The following WDR49 variants were observed in gnomAD, a reference collection of about 807,000 sequenced individuals.
WDR49 encodes the protein cilia- and flagella-associated protein 337.
In WDR49, 107 loss-of-function variants were observed where a neutral mutation model predicts 119.5. The ratio of observed to expected loss-of-function variants is 0.90; its 90% CI spans 0.77 to 1.05. The LOEUF is 1.05. Among genes scored for constraint, WDR49 ranks in the 50% least tolerant of loss-of-function variants. The pLI, the probability that WDR49 is intolerant of heterozygous loss-of-function variation, is 0.00. For synonymous variants in WDR49, 425 were observed against 418.8 expected (o/e 1.01, Z -0.18); for missense variants, 1,240 against 1,220.5 (o/e 1.02, Z -0.24).
At chr3:167,549,066 C>T (rs903886887) in intron 10 of WDR49, among the ~76,000 whole-genome samples, 19 of 152,006 alleles carry the variant, frequency 1.2e-4, no homozygotes, top group Non-Finnish European at 2.1e-4. Flanking sequence ...TGTATATGTG[C>T]CACATTTTCT....
intron 5 of WDR49, among the ~76,000 whole-genome samples, chr3:167,610,775 C>A (rs1239693789): frequency 6.6e-6 from 1 of 152,176 alleles, no homozygotes; most frequent in East Asian, 1.9e-4. Context: ...CCAGCACAGT[C>A]ATAGTAGTAG....
intron 18 of WDR49, 122 bp downstream of exon 18, chr3:167,500,031 A>G (rs1751497703): frequency 1.8e-6 from 2 of 1,141,128 alleles, no homozygotes; most frequent in Non-Finnish European, 2.4e-6. Context: ...GTCAAACCAC[A>G]CTTTGTTTCA....
intron 10 of WDR49, among the ~76,000 whole-genome samples, chr3:167,548,313 C>T (rs1712332483): frequency 6.6e-6 from 1 of 151,992 alleles, no homozygotes; most frequent in South Asian, 2.1e-4. Flanking sequence ...GGCACTTGTA[C>T]AGTTTGATTT....
At chr3:167,603,444 A>G (rs1215768107) in intron 6 of WDR49, among the ~76,000 whole-genome samples, 1 of 152,130 alleles carries the variant, frequency 6.6e-6, no homozygotes, top group African/African-American at 2.4e-5. Flanking sequence ...ATATTCACGA[A>G]TTCATATTCA....
chr3:167,505,439 G>T, intron 16 of WDR49, 23 bp from the exon 17 acceptor site: 1 of 1,501,250 alleles, frequency 6.7e-7, no homozygotes, highest in South Asian at 1.4e-5. Flanking sequence ...ATTTCATGAT[G>T]AAATACATTA....
chr3:167,579,952 C>T (rs185156718), intron 7 of WDR49, among the ~76,000 whole-genome samples: 3 of 152,158 alleles, frequency 2.0e-5, no homozygotes, highest in African/African-American at 7.2e-5. Flanking sequence ...TACACATTGA[C>T]AATAACTCCA....
At chr3:167,590,515 C>A (rs1364908214) in intron 7 of WDR49, among the ~76,000 whole-genome samples, 2 of 152,016 alleles carry the variant, frequency 1.3e-5, no homozygotes, top group Non-Finnish European at 2.9e-5. Flanking sequence ...AATTCAGCAG[C>A]AAAGCCCTTG....
At chr3:167,515,664 A>C (rs1213886619) in intron 16 of WDR49, among the ~76,000 whole-genome samples, 1 of 152,220 alleles carries the variant, frequency 6.6e-6, no homozygotes, top group African/African-American at 2.4e-5. Flanking sequence ...AAAGAAATAA[A>C]GCGTATTCAA....
At chr3:167,621,347 G>C in intron 4 of WDR49, 120 bp downstream of exon 4, 1 of 1,014,836 alleles carries the variant, frequency 9.9e-7, no homozygotes, top group Non-Finnish European at 1.4e-6. Flanking sequence ...TGTCCAATGT[G>C]CATGTAATCC....
chr3:167,513,024 A>C (rs1052904572), intron 16 of WDR49, among the ~76,000 whole-genome samples: 6 of 152,260 alleles, frequency 3.9e-5, no homozygotes, highest in African/African-American at 1.4e-4. Context: ...GTTGGAAAAC[A>C]TACTTCAGGA....
At chr3:167,616,036 A>G (rs1399834086) in intron 5 of WDR49, among the ~76,000 whole-genome samples, 2 of 152,206 alleles carry the variant, frequency 1.3e-5, no homozygotes, top group African/African-American at 4.8e-5. Context: ...GTCGGATGTT[A>G]GAAGTTAAGT....
intron 16 of WDR49, among the ~76,000 whole-genome samples, chr3:167,519,402 G>A (rs1752342229): frequency 6.6e-6 from 1 of 152,132 alleles, no homozygotes; most frequent in African/African-American, 2.4e-5. Context: ...GCCCATCAAT[G>A]ATAGACTGGA....
chr3:167,614,285 G>A (rs573451547), intron 5 of WDR49, among the ~76,000 whole-genome samples: 1 of 152,186 alleles, frequency 6.6e-6, no homozygotes, highest in African/African-American at 2.4e-5. Context: ...TGTTAGTAGA[G>A]ACATGGTTTC....
chr3:167,626,721 C>T lies in WDR49; in HGVS notation c.606+131G>A, dbSNP rs529083425. 4.6e-6 allele frequency: 3 copies of T among 651,980 alleles called. No individual in the cohort carries two copies. In the South Asian group the frequency reaches 2.5e-4, roughly 53 times the overall value. 40.4% of individuals were successfully genotyped at this position (651,980 alleles called of 1,614,324 possible). A position where few individuals can be genotyped will look rare whatever the true frequency, so the allele number is the denominator to read the frequency against. ...GCACCCAAGAAAACAGCTGGCACTA[C>T]CTGTTCTCCCTCCAGGTCAGGAGAA... On this transcript the variant is annotated intron_variant, in intron 3 of 18. Transcript: ENST00000682715.
intron 2 of WDR49, among the ~76,000 whole-genome samples, chr3:167,637,910 A>T (rs1440251474): frequency 6.6e-6 from 1 of 151,506 alleles, no homozygotes; most frequent in East Asian, 1.9e-4. Context: ...AGTGTTTTCT[A>T]GGTATAGAGT....
chr3:167,618,919 T>C (rs1265342688), intron 5 of WDR49, among the ~76,000 whole-genome samples: 1 of 152,168 alleles, frequency 6.6e-6, no homozygotes, highest in Non-Finnish European at 1.5e-5. Context: ...GTATGGTTGA[T>C]TTTTTGGGAC....
chr3:167,604,233 A>G, intron 6 of WDR49, 68 bp downstream of exon 6: 2 of 1,558,080 alleles, frequency 1.3e-6, no homozygotes, highest in Non-Finnish European at 1.7e-6. Context: ...CAAAGGCTCC[A>G]TGCATACAAA....
rs141984110 is a variant in WDR49, at chr3:167,523,532, T to C, written c.2605-1048A>G. On this transcript the variant is annotated intron_variant, in intron 15 of 18. Transcript: ENST00000682715. ...CACATGCATTAGGTATTTATCCTAA[T>C]GCTCTACCTCCCCTTTCCCCCACCC... is the stretch of plus-strand genomic sequence containing the variant. Among the ~76,000 whole-genome samples, 487 of 152,226 alleles carry C rather than the reference T, an allele frequency of 3.2e-3. 3 individuals are homozygous for C. The highest frequency in any genetic ancestry group is 0.011 in the African/African-American group (463 of 41,556).
intron 2 of WDR49, among the ~76,000 whole-genome samples, chr3:167,635,623 G>T (rs1717578365): frequency 6.6e-6 from 1 of 151,662 alleles, no homozygotes; most frequent in South Asian, 2.1e-4. Context: ...ACACTACTGA[G>T]AGAGGACAAT....
Sources: allele counts gnomAD v4.1 joint callset (sites outside exome capture counted in the v4.1 genomes callset), GRCh38; gene constraint gnomAD v4.1.1; transcripts MANE v1.5; gene names NCBI Gene and HGNC (gene_info 2026-07-23, HGNC 2026-07-21).